The following TTC28 variants were observed in gnomAD, a reference collection of about 807,000 sequenced individuals.
The protein encoded by TTC28 is tetratricopeptide repeat protein 28.
A neutral mutation model predicts 198.0 loss-of-function variants in TTC28; 61 were observed. That is an observed-to-expected ratio of 0.31 (90% CI 0.25 to 0.38). The LOEUF is 0.38. TTC28 is among the 10% of genes least tolerant of loss of function. The pLI is 1.00. For missense variants in TTC28, 2,678 were observed against 3,164.0 expected, an observed-to-expected ratio of 0.85 and a Z score of 3.69; for synonymous variants, 1,171 against 1,297.8, an observed-to-expected ratio of 0.90 and a Z score of 2.10.
chr22:28,605,242 C>T (rs1435563981), intron 2 of TTC28, among the ~76,000 whole-genome samples: 1 of 152,114 alleles, frequency 6.6e-6, no homozygotes, highest in Non-Finnish European at 1.5e-5. Flanking sequence ...TTTAGGCTAA[C>T]ATTTATGAGA....
chr22:28,476,187 T>G (rs1195950185), intron 2 of TTC28, among the ~76,000 whole-genome samples: 1 of 152,206 alleles, frequency 6.6e-6, no homozygotes, highest in East Asian at 1.9e-4. Context: ...TAATGCTGTA[T>G]GTATCATCTC....
intron 2 of TTC28, among the ~76,000 whole-genome samples, chr22:28,361,453 C>T (rs900574888): frequency 6.6e-6 from 1 of 152,086 alleles, no homozygotes; most frequent in Non-Finnish European, 1.5e-5. Flanking sequence ...AAAACCCTAA[C>T]TATTCAGTTC....
At chr22:28,332,863 T>G (rs2045638838) in intron 2 of TTC28, among the ~76,000 whole-genome samples, 1 of 152,140 alleles carries the variant, frequency 6.6e-6, no homozygotes, top group Non-Finnish European at 1.5e-5. Context: ...GCTCTGAACC[T>G]TAACAGGCAG....
At chr22:28,677,175 AATATAT>A (rs143954002) in intron 1 of TTC28, among the ~76,000 whole-genome samples, 5,429 of 68,494 alleles carry the variant, frequency 0.079, 322 homozygotes, top group South Asian at 0.17. Context: ...AAAAAAAAAA[AATATAT>A]ATATATATAT....
chr22:28,030,278 T>C lies in TTC28; in HGVS notation c.4021A>G (p.Thr1341Ala). The C allele has an allele frequency of 9.0e-6, 14 of 1,551,782 alleles. No individual in the cohort carries two copies. Among genetic ancestry groups the C allele is most frequent in the Non-Finnish European group, 1.1e-5 (13 of 1,147,014 alleles). Residue 1341 changes from threonine to alanine, a missense_variant, in exon 13 of 23, where the codon ACT becomes GCT. Thr to Ala is a moderately conservative substitution (Grantham distance 58). This residue lies in a region of TTC28 where 727 missense variants were observed against 861.9 expected (regional missense o/e 0.84). Transcript: ENST00000397906. ...EEMNNKLNSV[T>A]DPTGFLRMVR... ...ATCCGCAGAAAGCCAGTGGGGTCAG[T>C]GACCGAGTTGAGTTTGTTGTTCATC...
intron 6 of TTC28, among the ~76,000 whole-genome samples, chr22:28,157,540 T>C (rs1943776185): frequency 6.6e-6 from 1 of 152,134 alleles, no homozygotes; most frequent in Non-Finnish European, 1.5e-5. Context: ...AACAAAATAC[T>C]AGCAAACCAA....
chr22:28,176,686 T>C (rs573414183), intron 5 of TTC28, among the ~76,000 whole-genome samples: 21 of 152,290 alleles, frequency 1.4e-4, no homozygotes, highest in African/African-American at 4.6e-4. Context: ...ACCATAAATA[T>C]GTACAATTAC....
intron 2 of TTC28, among the ~76,000 whole-genome samples, chr22:28,589,104 A>G (rs1287850465): frequency 6.6e-6 from 1 of 152,186 alleles, no homozygotes; most frequent in Non-Finnish European, 1.5e-5. Flanking sequence ...CTCTGAAATG[A>G]GACCCTCCAA....
intron 5 of TTC28, among the ~76,000 whole-genome samples, chr22:28,268,759 C>G (rs13053179): frequency 0.016 from 2,362 of 152,262 alleles, 28 homozygotes; most frequent in Non-Finnish European, 0.027. Flanking sequence ...TGTTCCTCAT[C>G]TAGACATCTA....
intron 12 of TTC28, among the ~76,000 whole-genome samples, chr22:28,032,217 TAAAATATATATATATAA>T (rs1307970843): frequency 4.4e-5 from 5 of 114,642 alleles, no homozygotes; most frequent in African/African-American, 1.4e-4. Flanking sequence ...TATATATATA[TAAAATATATATATATAA>T]AATATATATA....
intron 12 of TTC28, among the ~76,000 whole-genome samples, chr22:28,040,489 C>T (rs1939581149): frequency 1.3e-5 from 2 of 151,824 alleles, no homozygotes; most frequent in South Asian, 2.1e-4. Context: ...ACAAAAACTA[C>T]GATTACCTCA....
At chr22:28,519,096 T>C (rs765607115) in intron 2 of TTC28, among the ~76,000 whole-genome samples, 34 of 152,120 alleles carry the variant, frequency 2.2e-4, no homozygotes, top group Non-Finnish European at 4.9e-4. Context: ...TCAGAAATAG[T>C]CAAAGAGAGC....
At position 28,105,523 on chromosome 22, in the gene TTC28, C is replaced by G; in HGVS notation, c.3063G>C (p.Gln1021His). ...TTTCCTCTGCTATCTGTAGATCAAGCTGGTGGTACTGCAGGGCTGTGTCAT... is the reference window on the plus strand; with the variant it reads ...TTTCCTCTGCTATCTGTAGATCAAGGTGGTGGTACTGCAGGGCTGTGTCAT... The part of the protein sequence containing the change: ...GEYDTALQYH[Q>H]LDLQIAEETN... The change falls in exon 8 of 23, where the codon CAG becomes CAC. Residue 1021 changes from glutamine (Q) to histidine (H), a missense_variant. Gln to His is a conservative substitution (Grantham distance 24, BLOSUM62 0). Around this residue, in one of 8 missense-constraint regions of TTC28, gnomAD observed 727 missense variants for 861.9 expected, o/e 0.84. Coordinates refer to ENST00000397906, the MANE Select transcript of TTC28 (RefSeq NM_001145418.2). 1 of 1,551,726 alleles carries G rather than the reference C, an allele frequency of 6.4e-7. No homozygotes were observed. Among genetic ancestry groups the G allele is most frequent in the South Asian group, 1.2e-5 (1 of 84,070 alleles).
chr22:28,177,843 G>C (rs1361249010), intron 5 of TTC28, among the ~76,000 whole-genome samples: 1 of 152,162 alleles, frequency 6.6e-6, no homozygotes, highest in Non-Finnish European at 1.5e-5. Flanking sequence ...CAGTTGCAAG[G>C]GAGTTGGGGG....
chr22:28,070,509 C>G (rs1278648706), intron 12 of TTC28, among the ~76,000 whole-genome samples: 1 of 152,100 alleles, frequency 6.6e-6, no homozygotes, highest in African/African-American at 2.4e-5. Context: ...AGGCTGGGTG[C>G]AGTGATCCAC....
At chr22:28,482,923 T>G (rs1329668235) in intron 2 of TTC28, among the ~76,000 whole-genome samples, 1 of 152,228 alleles carries the variant, frequency 6.6e-6, no homozygotes, top group Non-Finnish European at 1.5e-5. Context: ...TTTTTATGGC[T>G]GAAAATTTTT....
At chr22:28,229,171 A>G (rs1315788121) in intron 5 of TTC28, among the ~76,000 whole-genome samples, 1 of 152,152 alleles carries the variant, frequency 6.6e-6, no homozygotes, top group African/African-American at 2.4e-5. Context: ...ACAAACAAAC[A>G]AAAAAACTAC....
At chr22:28,485,646 T>A (rs542430925) in intron 2 of TTC28, among the ~76,000 whole-genome samples, 29 of 152,152 alleles carry the variant, frequency 1.9e-4, no homozygotes, top group Non-Finnish European at 3.8e-4. Context: ...TTAAAAGTTA[T>A]TTAAAAGCCA....
At chr22:28,542,034 A>T (rs1452089049) in intron 2 of TTC28, among the ~76,000 whole-genome samples, 1 of 152,168 alleles carries the variant, frequency 6.6e-6, no homozygotes, top group Admixed American at 6.6e-5. Flanking sequence ...GGCTGCAGTG[A>T]GCTATAATCA....
Sources: gnomAD v4.1 joint callset for allele counts (sites outside exome capture counted in the v4.1 genomes callset) on GRCh38, gnomAD v4.1.1 for gene constraint, gnomAD v4.1.1 regional missense constraint, MANE v1.5 for transcripts, NCBI Gene and HGNC (gene_info 2026-07-23, HGNC 2026-07-21) for gene names.